EEFSEC: variants seen among roughly 807,000 people sequenced by gnomAD.
The protein encoded by EEFSEC is selenocysteine-specific elongation factor.
A neutral mutation model predicts 42.1 loss-of-function variants in EEFSEC; 43 were observed. The ratio of observed to expected loss-of-function variants is 1.02; its 90% confidence interval spans 0.80 to 1.32. EEFSEC has a LOEUF of 1.32. Among genes scored for constraint, EEFSEC ranks in the 40% most tolerant of loss-of-function variants. The probability of loss-of-function intolerance (pLI) is 0.00; values close to 1 mark genes in which losing one functional copy is unlikely to be tolerated. For synonymous variants in EEFSEC, 354 were observed against 339.1 expected, an observed-to-expected ratio of 1.04 and a Z score of -0.48; for missense variants, 745 against 803.6, an observed-to-expected ratio of 0.93 and a Z score of 0.88.
intron 1 of EEFSEC, among the ~76,000 whole-genome samples, chr3:128,190,952 A>G (rs1690322873): frequency 1.3e-5 from 2 of 152,096 alleles, no homozygotes; most frequent in South Asian, 4.1e-4. Flanking sequence ...TAAAAAATAT[A>G]TAACATTTAC....
chr3:128,309,250 C>T (rs2066864793), intron 4 of EEFSEC, among the ~76,000 whole-genome samples: 1 of 152,152 alleles, frequency 6.6e-6, no homozygotes, highest in Admixed American at 6.5e-5. Flanking sequence ...CCCTGAACAG[C>T]TGTCAGCACC....
chr3:128,419,355 T>G, the EEFSEC span, among the ~76,000 whole-genome samples: 19,025 of 152,090 alleles, frequency 0.13, 1,914 homozygotes, highest in East Asian at 0.38. Context: ...AGGAAGGAAG[T>G]CTGAGTGTCC....
Position 128,303,339 on chromosome 3 carries a change from A to G in EEFSEC, c.787-37894A>G, listed in dbSNP as rs77731086. Reference sequence around the variant, plus strand: ...GGTGGTATCAAGTTACATTCCTACAACAGTATGTGAGATGGCCCACGTCCC... The same window carrying G: ...GGTGGTATCAAGTTACATTCCTACAGCAGTATGTGAGATGGCCCACGTCCC... On this transcript the variant is annotated intron_variant, in intron 4 of 6. Coordinates refer to ENST00000254730, the MANE Select transcript of EEFSEC (RefSeq NM_021937.5). Among the ~76,000 whole-genome samples the G allele has an allele frequency of 7.9e-5, 12 of 152,260 alleles. No homozygotes were observed. In the East Asian group the frequency reaches 2.1e-3, roughly 27 times the overall value.
chr3:128,336,011 G>A (rs1003568521), intron 4 of EEFSEC, among the ~76,000 whole-genome samples: 1 of 152,146 alleles, frequency 6.6e-6, no homozygotes, highest in Non-Finnish European at 1.5e-5. Context: ...GCCATTCAAA[G>A]AGGCAGTTGG....
intron 1 of EEFSEC, among the ~76,000 whole-genome samples, chr3:128,237,612 C>G (rs962067049): frequency 6.6e-6 from 1 of 152,226 alleles, no homozygotes; most frequent in African/African-American, 2.4e-5. Context: ...CTCCCCTCTC[C>G]CAGCTCTGCG....
intron 4 of EEFSEC, among the ~76,000 whole-genome samples, chr3:128,321,359 T>C (rs2067006107): frequency 6.6e-6 from 1 of 152,166 alleles, no homozygotes. Flanking sequence ...CCCCAGCTGC[T>C]GCCAAGTTCT....
At chr3:128,410,829 G>A (rs572603943), downstream of EEFSEC, among the ~76,000 whole-genome samples, 6 of 152,224 alleles carry the variant, frequency 3.9e-5, no homozygotes, top group Non-Finnish European at 7.4e-5. Flanking sequence ...CTGTGCAGGC[G>A]TCCACCTCCA....
At chr3:128,190,163 G>A (rs1210484057) in intron 1 of EEFSEC, among the ~76,000 whole-genome samples, 7 of 152,110 alleles carry the variant, frequency 4.6e-5, no homozygotes, top group East Asian at 1.9e-4. Flanking sequence ...ATGCCCAGCC[G>A]CTCCTTCTAC....
At chr3:128,396,505 C>G (rs1049272790) in intron 6 of EEFSEC, among the ~76,000 whole-genome samples, 1 of 152,216 alleles carries the variant, frequency 6.6e-6, no homozygotes, top group Non-Finnish European at 1.5e-5. Flanking sequence ...GGCACTGGGA[C>G]ACACTGTCAA....
the EEFSEC span, among the ~76,000 whole-genome samples, chr3:128,421,481 T>A: frequency 6.6e-6 from 1 of 152,152 alleles, no homozygotes; most frequent in Non-Finnish European, 1.5e-5. Context: ...CTGTGCACAG[T>A]CTCCGGGACC....
intron 6 of EEFSEC, among the ~76,000 whole-genome samples, chr3:128,377,972 A>AT (rs2067729042): frequency 6.6e-6 from 1 of 152,174 alleles, no homozygotes; most frequent in African/African-American, 2.4e-5. Flanking sequence ...AAAGTCAACC[A>AT]TTTTGCCATA....
At chr3:128,357,117 A>C (rs977138577) in intron 5 of EEFSEC, among the ~76,000 whole-genome samples, 21 of 151,784 alleles carry the variant, frequency 1.4e-4, no homozygotes, top group African/African-American at 5.1e-4. Context: ...ATGGGGCCCA[A>C]GTTTGCTACT....
intron 4 of EEFSEC, among the ~76,000 whole-genome samples, chr3:128,300,469 T>C (rs1382996714): frequency 1.4e-5 from 2 of 143,270 alleles, no homozygotes; most frequent in Non-Finnish European, 3.0e-5. Context: ...GGCACGCACC[T>C]GTAGTCCCAG....
chr3:128,310,777 T>C (rs918748595), intron 4 of EEFSEC, among the ~76,000 whole-genome samples: 5 of 152,250 alleles, frequency 3.3e-5, no homozygotes, highest in African/African-American at 1.2e-4. Flanking sequence ...CCACCTCAGT[T>C]TGGAAACCTG....
At chr3:128,222,029 T>TGTG (rs548251999) in intron 1 of EEFSEC, among the ~76,000 whole-genome samples, 1 of 121,050 alleles carries the variant, frequency 8.3e-6, no homozygotes, top group East Asian at 2.2e-4. Flanking sequence ...TTCAAAGTTT[T>TGTG]TTTTTTTTTT....
intron 1 of EEFSEC, among the ~76,000 whole-genome samples, chr3:128,173,334 G>C (rs895776007): frequency 5.9e-5 from 9 of 152,312 alleles, no homozygotes; most frequent in Non-Finnish European, 8.8e-5. Flanking sequence ...CCCTAAGGCA[G>C]GGCTGGCAAG....
chr3:128,346,972 T>C (rs57735707), intron 5 of EEFSEC, among the ~76,000 whole-genome samples: 20,804 of 152,242 alleles, frequency 0.14, 1,618 homozygotes, highest in African/African-American at 0.21. Flanking sequence ...ATTTGACCCT[T>C]TGGCTATAGT....
chr3:128,395,188 G>A (rs2067966870), intron 6 of EEFSEC, among the ~76,000 whole-genome samples: 1 of 152,144 alleles, frequency 6.6e-6, no homozygotes, highest in Admixed American at 6.5e-5. Context: ...TTATCCCTGC[G>A]TCACAAGCAG....
At chr3:128,322,408 A>G (rs1212187926) in intron 4 of EEFSEC, among the ~76,000 whole-genome samples, 1 of 152,214 alleles carries the variant, frequency 6.6e-6, no homozygotes, top group Middle Eastern at 3.2e-3. Context: ...TGCCGACATC[A>G]TCATCACGGT....
Sources: gnomAD v4.1 joint callset for allele counts (sites outside exome capture counted in the v4.1 genomes callset) on GRCh38, gnomAD v4.1.1 for gene constraint, MANE v1.5 for transcripts, NCBI Gene and HGNC (gene_info 2026-07-23, HGNC 2026-07-21) for gene names.